MAGI3: variants seen among roughly 807,000 people sequenced by gnomAD.
MAGI3 encodes membrane-associated guanylate kinase, WW and PDZ domain-containing protein 3.
MAGI3 carries 43 observed loss-of-function variants against 121.8 expected under a neutral mutation model. That is an observed-to-expected ratio of 0.35 (90% CI 0.28 to 0.46). MAGI3 has a LOEUF of 0.46. Ranked by LOEUF, MAGI3 falls within the 20% of genes least tolerant of loss-of-function variation. The pLI is 1.00. For synonymous variants in MAGI3, 553 were observed against 639.3 expected (o/e 0.86, Z 2.04); for missense variants, 1,547 against 1,797.3 (o/e 0.86, Z 2.52).
intron 20 of MAGI3, chr1:113,682,469 A>C: frequency 7.4e-7 from 1 of 1,355,272 alleles, no homozygotes; most frequent in South Asian, 1.9e-5. Flanking sequence ...CATGAGCCTC[A>C]TTCTGGTTAC....
intron 15 of MAGI3, among the ~76,000 whole-genome samples, chr1:113,656,888 A>C (rs891589014): frequency 2.0e-5 from 3 of 152,194 alleles, no homozygotes; most frequent in Non-Finnish European, 4.4e-5. Context: ...CTAAGTGCTG[A>C]ATGAATGGAG....
intron 1 of MAGI3, among the ~76,000 whole-genome samples, chr1:113,454,741 C>T (rs368352574): frequency 2.6e-5 from 4 of 151,884 alleles, no homozygotes; most frequent in Admixed American, 1.3e-4. Flanking sequence ...TGAGAACATG[C>T]GGTATTTGGT....
At chr1:113,572,134 T>C (rs893313296) in intron 2 of MAGI3, among the ~76,000 whole-genome samples, 1 of 152,232 alleles carries the variant, frequency 6.6e-6, no homozygotes, top group African/African-American at 2.4e-5. Context: ...AGGCCTTTTC[T>C]GCATCTATTG....
chr1:113,409,428 A>T (rs888610007), intron 1 of MAGI3, among the ~76,000 whole-genome samples: 2 of 151,940 alleles, frequency 1.3e-5, no homozygotes. Flanking sequence ...GGATTGCTTG[A>T]GTCCAGGAGT....
At chr1:113,593,166 T>G (rs1224154063) in intron 5 of MAGI3, among the ~76,000 whole-genome samples, 1 of 152,250 alleles carries the variant, frequency 6.6e-6, no homozygotes, top group Non-Finnish European at 1.5e-5. Flanking sequence ...CTTCATTTCC[T>G]AAGAGTGGTC....
intron 1 of MAGI3, among the ~76,000 whole-genome samples, chr1:113,428,159 CTTG>C (rs1557751820): frequency 1.3e-5 from 2 of 152,110 alleles, no homozygotes; most frequent in Non-Finnish European, 2.9e-5. Context: ...TGTAGTTCAA[CTTG>C]TTGTTAAAAA....
chr1:113,411,548 T>C (rs544062867), intron 1 of MAGI3, among the ~76,000 whole-genome samples: 2 of 152,182 alleles, frequency 1.3e-5, no homozygotes, highest in East Asian at 3.9e-4. Context: ...ATTCTAACTA[T>C]CGAGTATCTA....
intron 19 of MAGI3, among the ~76,000 whole-genome samples, chr1:113,678,265 TTTTC>T (rs1323894302): frequency 2.0e-5 from 3 of 152,218 alleles, no homozygotes; most frequent in Non-Finnish European, 4.4e-5. Flanking sequence ...TCTACTTTAA[TTTTC>T]TTTATCAGCA....
At chr1:113,400,843 G>C (rs577779680) in intron 1 of MAGI3, among the ~76,000 whole-genome samples, 1 of 152,244 alleles carries the variant, frequency 6.6e-6, no homozygotes, top group East Asian at 1.9e-4. Flanking sequence ...TTGCTAACTA[G>C]AGCAATCTCA....
At chr1:113,515,028 G>A (rs988773065) in intron 1 of MAGI3, among the ~76,000 whole-genome samples, 1 of 152,022 alleles carries the variant, frequency 6.6e-6, no homozygotes, top group Non-Finnish European at 1.5e-5. Context: ...AAGTAAATCT[G>A]TGTGGATACA....
intron 9 of MAGI3, among the ~76,000 whole-genome samples, chr1:113,637,917 C>T (rs1446734519): frequency 6.6e-6 from 1 of 152,122 alleles, no homozygotes; most frequent in Non-Finnish European, 1.5e-5. Context: ...TTCTTGGAGG[C>T]TTTGTTCATT....
chr1:113,665,144 C>T (rs1409809187), intron 16 of MAGI3, among the ~76,000 whole-genome samples: 2 of 152,040 alleles, frequency 1.3e-5, no homozygotes, highest in Non-Finnish European at 2.9e-5. Flanking sequence ...GGTCTTTAAT[C>T]CATCTGGAGC....
chr1:113,588,035 A>G lies in MAGI3; in HGVS notation c.763+2439A>G, dbSNP rs761016831. Among the ~76,000 whole-genome samples the G allele has an allele frequency of 2.0e-5, 3 of 152,244 alleles. No homozygotes were observed. The East Asian group carries it at 5.8e-4, about 29-fold the overall frequency. On this transcript the variant is annotated intron_variant, in intron 4 of 20. Coordinates refer to ENST00000307546, the MANE Select transcript of MAGI3 (RefSeq NM_001142782.2). ...TGAACAAAACGGACAAAAACCTGTC[A>G]TGAACTATACCTTCTGGTGGGAGAG...
intron 13 of MAGI3, among the ~76,000 whole-genome samples, chr1:113,650,314 C>G (rs1299803962): frequency 3.3e-5 from 5 of 151,984 alleles, no homozygotes; most frequent in African/African-American, 7.3e-5. Flanking sequence ...TTTGTTGATA[C>G]TCATAATGTT....
Position 113,643,753 on chromosome 1 carries a change from A to G in MAGI3, c.1977A>G (p.Ser659=), listed in dbSNP as rs1652680147. The G allele has an allele frequency of 6.2e-7, 1 of 1,613,706 alleles. No individual in the cohort carries two copies. The highest frequency in any genetic ancestry group is 8.5e-7 in the Non-Finnish European group (1 of 1,179,930). ...CATTTTTTTTTTAAGGTCCTCCTTC[A>G]CCAACCAAAACTGCCAAAATGGTGA... ...PLLILRGGPP[S]PTKTAKMKTD... The change falls in exon 11 of 21, where the codon TCA becomes TCG. Residue 659 remains serine, a synonymous_variant. Coordinates refer to ENST00000307546, the MANE Select transcript of MAGI3 (RefSeq NM_001142782.2).
intron 1 of MAGI3, among the ~76,000 whole-genome samples, chr1:113,396,857 T>A (rs964525856): frequency 6.6e-6 from 1 of 152,084 alleles, no homozygotes; most frequent in African/African-American, 2.4e-5. Flanking sequence ...GGGTTTTGCC[T>A]TTTTCACTTT....
intron 1 of MAGI3, among the ~76,000 whole-genome samples, chr1:113,457,540 A>G (rs577147951): frequency 1.3e-5 from 2 of 152,126 alleles, no homozygotes; most frequent in East Asian, 1.9e-4. Flanking sequence ...CAAGGACTAT[A>G]TGGTAATTTT....
chr1:113,484,610 T>TTATA lies in MAGI3; in HGVS notation c.317-64894_317-64891dup, dbSNP rs145744139. On this transcript the variant is annotated intron_variant, in intron 1 of 20. Coordinates refer to ENST00000307546, the MANE Select transcript of MAGI3 (RefSeq NM_001142782.2). ...TTTTTTATGGCTGAGCAGTGTTCTATTATATATATATATACCTACCTTTCT... is the reference window on the plus strand; with the variant it reads ...TTTTTTATGGCTGAGCAGTGTTCTATTATATATATATATATATACCTACCTTTCT... Among the ~76,000 whole-genome samples the TTATA allele has an allele frequency of 6.2e-5, 9 of 144,092 alleles. No individual in the cohort carries two copies. The East Asian group carries it at 8.4e-4, about 13-fold the overall frequency. The allele number at this position is 144,092 out of a possible 152,430, so 94.5% of individuals were successfully genotyped here. A position where few individuals can be genotyped will look rare whatever the true frequency, so the allele number is the denominator to read the frequency against.
intron 1 of MAGI3, among the ~76,000 whole-genome samples, chr1:113,434,391 G>A (rs1266347908): frequency 2.0e-5 from 3 of 152,054 alleles, no homozygotes; most frequent in Admixed American, 6.6e-5. Flanking sequence ...ACAACATAGC[G>A]AGACCTTATT....
Sources: gnomAD v4.1 joint callset for allele counts (sites outside exome capture counted in the v4.1 genomes callset) on GRCh38, gnomAD v4.1.1 for gene constraint, MANE v1.5 for transcripts, NCBI Gene and HGNC (gene_info 2026-07-23, HGNC 2026-07-21) for gene names.